MTRF1: variants seen among roughly 807,000 people sequenced by gnomAD.
The protein encoded by MTRF1 is peptide chain release factor 1, mitochondrial.
In MTRF1, 51 loss-of-function variants were observed where a neutral mutation model predicts 62.9. The ratio of observed to expected loss-of-function variants is 0.81; its 90% CI spans 0.65 to 1.02. MTRF1 has a LOEUF of 1.02. Ranked by LOEUF, MTRF1 falls within the 50% of genes least tolerant of loss-of-function variation. The probability of loss-of-function intolerance (pLI) is 0.00; values close to 1 mark genes in which losing one functional copy is unlikely to be tolerated. For missense variants in MTRF1, 446 were observed against 530.0 expected (o/e 0.84, Z 1.56); for synonymous variants, 158 against 181.9 (o/e 0.87, Z 1.06).
the MTRF1 span, among the ~76,000 whole-genome samples, chr13:41,278,488 G>T: frequency 1.3e-5 from 2 of 152,218 alleles, no homozygotes; most frequent in African/African-American, 4.8e-5. Flanking sequence ...AAGTTACAAA[G>T]TCATTTACGG....
intron 1 of MTRF1, among the ~76,000 whole-genome samples, chr13:41,262,972 T>G (rs537923908): frequency 5.9e-5 from 9 of 152,320 alleles, no homozygotes; most frequent in Admixed American, 5.9e-4. Context: ...TTTCCAGAGT[T>G]CTACTGATAG....
In MTRF1 at chr13:41,240,294, C is replaced by T. The variant is rs777239100; in HGVS notation, c.837G>A (p.Thr279=). ...SSRMQRIHTG[T]MSVIVLPQPD... ...GCTGAGGAAGGACAATAACCGACAT[C>T]GTTCCTGTGTGAATGCGCTGCATCC... Residue 279 remains threonine (T), a synonymous_variant, in exon 6 of 10, where the codon ACG becomes ACA. Transcript: ENST00000379480. 2 of 1,611,782 alleles carry T rather than the reference C, an allele frequency of 1.2e-6. No individual in the cohort carries two copies. The highest frequency in any genetic ancestry group is 1.7e-6 in the Non-Finnish European group (2 of 1,178,958).
chr13:41,256,829 C>G (rs555134903), intron 2 of MTRF1, among the ~76,000 whole-genome samples: 3 of 152,294 alleles, frequency 2.0e-5, no homozygotes, highest in Admixed American at 6.5e-5. Context: ...TTTATTATAT[C>G]AACAAAGATT....
chr13:41,227,498 T>C (rs761181810), intron 7 of MTRF1, among the ~76,000 whole-genome samples: 12 of 152,138 alleles, frequency 7.9e-5, no homozygotes, highest in Admixed American at 5.2e-4. Context: ...AGCTTCTGCA[T>C]TTGGGTGGGT....
At chr13:41,309,087 T>C in the MTRF1 span, among the ~76,000 whole-genome samples, 12 of 152,214 alleles carry the variant, frequency 7.9e-5, no homozygotes, top group South Asian at 4.1e-4. Context: ...TAGTATTCCA[T>C]GGTGTACCAC....
the MTRF1 span, among the ~76,000 whole-genome samples, chr13:41,274,748 G>A: frequency 6.6e-6 from 1 of 151,452 alleles, no homozygotes; most frequent in Admixed American, 6.6e-5. Flanking sequence ...TGATTCTTGT[G>A]CCTCACCCTC....
chr13:41,242,127 G>GT (rs980190248), intron 5 of MTRF1, among the ~76,000 whole-genome samples: 34 of 147,146 alleles, frequency 2.3e-4, no homozygotes, highest in East Asian at 9.7e-4. Flanking sequence ...AGATACCAAC[G>GT]TTTTTTTTTT....
Position 41,216,989 on chromosome 13 carries a change from T to C in MTRF1, c.*126A>G, listed in dbSNP as rs956980364. On this transcript the variant is annotated 3_prime_UTR_variant, in exon 10 of 10. Coordinates refer to ENST00000379480, the MANE Select transcript of MTRF1 (RefSeq NM_004294.4). The stretch of plus-strand genomic sequence containing the variant: ...TGACTTCGATTAATTACAAAACATA[T>C]ATTTATGTGTAATGTGTTCTTAAAG... 24 of 503,888 alleles carry C rather than the reference T, an allele frequency of 4.8e-5. No homozygotes were observed. The South Asian group carries it at 1.0e-3, about 21-fold the overall frequency. 31.2% of individuals were successfully genotyped at this position (503,888 alleles called of 1,614,324 possible).
At chr13:41,240,546 C>A in intron 5 of MTRF1, 113 bp from the exon 6 acceptor site, 1 of 929,050 alleles carries the variant, frequency 1.1e-6, no homozygotes, top group Non-Finnish European at 1.5e-6. Flanking sequence ...AAGATGAGAA[C>A]ATAAAGCATG....
upstream of MTRF1, among the ~76,000 whole-genome samples, chr13:41,265,633 C>A (rs2040825531): frequency 6.6e-6 from 1 of 150,656 alleles, no homozygotes; most frequent in Non-Finnish European, 1.5e-5. Flanking sequence ...TAGTGCCTTT[C>A]TAAAAAGGCA....
chr13:41,267,276 C>T (rs1465883150), upstream of MTRF1, among the ~76,000 whole-genome samples: 2 of 152,030 alleles, frequency 1.3e-5, no homozygotes, highest in African/African-American at 4.8e-5. Flanking sequence ...CCCTGTATCT[C>T]CTGTAAACTG....
intron 5 of MTRF1, among the ~76,000 whole-genome samples, chr13:41,241,326 G>A (rs369831334): frequency 1.6e-4 from 25 of 152,254 alleles, no homozygotes; most frequent in African/African-American, 5.3e-4. Flanking sequence ...TTACAAGCGT[G>A]AGCCACCATG....
At chr13:41,273,578 G>T in the MTRF1 span, among the ~76,000 whole-genome samples, 2 of 151,816 alleles carry the variant, frequency 1.3e-5, no homozygotes, top group East Asian at 3.9e-4. Context: ...GATGAGCTGG[G>T]TGTAATCCCA....
intron 1 of MTRF1, chr13:41,261,744 A>C (rs920751748): frequency 2.1e-6 from 2 of 969,178 alleles, no homozygotes. Context: ...ATTAGAATGT[A>C]AGTTGCCTGT....
At chr13:41,220,322 C>T (rs1233679406) in intron 9 of MTRF1, among the ~76,000 whole-genome samples, 1 of 59,792 alleles carries the variant, frequency 1.7e-5, no homozygotes, top group African/African-American at 6.2e-5. Context: ...GAATCTGTCT[C>T]GGAAAAAAAA....
Position 41,230,390 on chromosome 13 carries a change from G to A in MTRF1, c.988+3500C>T, listed in dbSNP as rs141455335. ...AGCAATTCTCCTGCCTCAGCCTCCC[G>A]AGGAGCTGGGATTACATGCATGCGC... On this transcript the variant is annotated intron_variant, in intron 7 of 9. Transcript: ENST00000379480. Among the ~76,000 whole-genome samples, 384 of 148,486 alleles carry A rather than the reference G, an allele frequency of 2.6e-3. 1 individual carries two copies. The highest frequency in any genetic ancestry group is 7.2e-3 in the Middle Eastern group (2 of 276).
intron 6 of MTRF1, chr13:41,236,122 T>TC: frequency 6.6e-6 from 1 of 151,230 alleles, no homozygotes; most frequent in East Asian, 1.9e-4. Flanking sequence ...TTTTTTTGGT[T>TC]TTTTTTTGGA....
At position 41,226,420 on chromosome 13, in the gene MTRF1, A is replaced by C. The variant is rs762712740; in HGVS notation, c.1125+12T>G. On this transcript the variant is annotated intron_variant, in intron 8 of 9. Transcript: ENST00000379480. Reference sequence around the variant, plus strand: ...AAACAGTCACTAAATTATTATACCAAGTAAATCTTACCTGCAGTTTTCTAG... The same window carrying C: ...AAACAGTCACTAAATTATTATACCACGTAAATCTTACCTGCAGTTTTCTAG... The C allele has an allele frequency of 1.4e-5, 23 of 1,603,442 alleles. No individual in the cohort carries two copies. In the South Asian group the frequency reaches 2.5e-4, roughly 17 times the overall value.
the MTRF1 span, among the ~76,000 whole-genome samples, chr13:41,282,196 T>G: frequency 1.3e-5 from 2 of 150,464 alleles, no homozygotes; most frequent in Non-Finnish European, 2.9e-5. Flanking sequence ...GCTGACCAGC[T>G]GGTAAGAATA....
Sources: allele counts gnomAD v4.1 joint callset (sites outside exome capture counted in the v4.1 genomes callset), GRCh38; gene constraint gnomAD v4.1.1; transcripts MANE v1.5; gene names NCBI Gene and HGNC (gene_info 2026-07-23, HGNC 2026-07-21).